HSD17B2: variants seen among roughly 807,000 people sequenced by gnomAD.
The protein encoded by HSD17B2 is hydroxysteroid 17-beta dehydrogenase 2, also known as 17-beta-hydroxysteroid dehydrogenase type 2.
HSD17B2 carries 32 observed loss-of-function variants against 26.9 expected under a neutral mutation model. That is an observed-to-expected ratio of 1.19 (90% CI 0.90 to 1.60). The LOEUF (loss-of-function observed/expected upper bound fraction) is 1.60. Ranked by LOEUF, HSD17B2 falls within the 40% of genes most tolerant of loss-of-function variation. HSD17B2 has a pLI of 0.00. For missense variants in HSD17B2, 613 were observed against 468.6 expected (o/e 1.31, Z -2.85); for synonymous variants, 246 against 186.7 (o/e 1.32, Z -2.59).
intron 3 of HSD17B2, among the ~76,000 whole-genome samples, chr16:82,081,915 A>G (rs1567590652): frequency 6.6e-6 from 1 of 152,222 alleles, no homozygotes; most frequent in Admixed American, 6.5e-5. Context: ...CTACACAGGC[A>G]TAAAAAGGAA....
At position 82,090,996 on chromosome 16, in the gene HSD17B2, G is replaced by C. The variant is rs756311805; in HGVS notation, c.759G>C (p.Trp253Cys). Residue 253 changes from tryptophan (W) to cysteine (C), a missense_variant, in exon 4 of 5, where the codon TGG becomes TGC. By Grantham distance (215) the Trp-to-Cys change is radical. Coordinates refer to ENST00000199936, the MANE Select transcript of HSD17B2 (RefSeq NM_002153.3). ...TTATGAGACTGGAGCTTTCCAAGTG[G>C]GGAATTAAAGTTGCTTCCATCCAAC... ...SSVMRLELSK[W>C]GIKVASIQPG... 3 of 1,613,994 alleles carry C rather than the reference G, an allele frequency of 1.9e-6. No homozygotes were observed. Among genetic ancestry groups the C allele is most frequent in the Admixed American group, 1.7e-5 (1 of 60,004 alleles).
At chr16:82,086,537 G>C (rs1484826854) in intron 3 of HSD17B2, among the ~76,000 whole-genome samples, 1 of 152,140 alleles carries the variant, frequency 6.6e-6, no homozygotes, top group Non-Finnish European at 1.5e-5. Flanking sequence ...TGCCAGGTAA[G>C]GGAACACAGC....
intron 3 of HSD17B2, among the ~76,000 whole-genome samples, chr16:82,072,718 G>A (rs8191180): frequency 0.011 from 1,708 of 152,220 alleles, 36 homozygotes; most frequent in African/African-American, 0.038. Flanking sequence ...GTGTATGAAC[G>A]AGTGAAAAAT....
chr16:82,039,058 G>A (rs1397638575), intron 1 of HSD17B2, among the ~76,000 whole-genome samples: 1 of 152,166 alleles, frequency 6.6e-6, no homozygotes, highest in Admixed American at 6.5e-5. Flanking sequence ...TTTGGGGAAA[G>A]AATCGCAGGT....
intron 4 of HSD17B2, 168 bp downstream of exon 4, chr16:82,091,207 T>C: frequency 2.7e-6 from 2 of 740,686 alleles, no homozygotes; most frequent in Admixed American, 1.9e-5. Flanking sequence ...CTGCTGACAG[T>C]AGGGGAAAGA....
intron 1 of HSD17B2, among the ~76,000 whole-genome samples, chr16:82,063,460 C>T (rs1247660255): frequency 6.6e-6 from 1 of 152,052 alleles, no homozygotes; most frequent in East Asian, 1.9e-4. Flanking sequence ...GCTAGACTCG[C>T]ACCCATTCGC....
At chr16:82,042,328 C>T (rs1002458446) in intron 1 of HSD17B2, among the ~76,000 whole-genome samples, 27 of 152,042 alleles carry the variant, frequency 1.8e-4, no homozygotes, top group African/African-American at 6.0e-4. Flanking sequence ...GGATGACAGG[C>T]GTGAGCCACC....
rs370410131 is a variant in HSD17B2 at position 82,098,163 on chromosome 16, G to T, written c.891G>T (p.Gln297His). 1.2e-6 allele frequency: 2 copies of T among 1,614,094 alleles called. No individual in the cohort carries two copies. Among genetic ancestry groups the T allele is most frequent in the Admixed American group, 3.3e-5 (2 of 60,014 alleles). Residue 297 changes from glutamine (Q) to histidine (H), a missense_variant, in exon 5 of 5, where the codon CAG becomes CAT. Gln to His is a conservative substitution (Grantham distance 24). Coordinates refer to ENST00000199936, the MANE Select transcript of HSD17B2 (RefSeq NM_002153.3). ...CTGAGGTACAGGAAGACTACGGCCAGGACTACATCTTAGCACAGCGGAATT... is the reference window on the plus strand; with the variant it reads ...CTGAGGTACAGGAAGACTACGGCCATGACTACATCTTAGCACAGCGGAATT... ...LPAEVQEDYG[Q>H]DYILAQRNFL...
chr16:82,070,420 A>T (rs1369958151), intron 2 of HSD17B2, among the ~76,000 whole-genome samples: 1 of 152,014 alleles, frequency 6.6e-6, no homozygotes, highest in Non-Finnish European at 1.5e-5. Flanking sequence ...CTTGCAACCC[A>T]TCTTTCCTTC....
intron 1 of HSD17B2, among the ~76,000 whole-genome samples, chr16:82,037,529 G>C (rs1331998771): frequency 5.3e-5 from 8 of 152,020 alleles, no homozygotes; most frequent in Admixed American, 5.2e-4. Context: ...CCATACATAT[G>C]GTTCCTTTAT....
At chr16:82,067,812 C>T (rs1213434939) in intron 1 of HSD17B2, among the ~76,000 whole-genome samples, 1 of 152,228 alleles carries the variant, frequency 6.6e-6, no homozygotes, top group Non-Finnish European at 1.5e-5. Context: ...TTACATCAAA[C>T]ACTACACATT....
chr16:82,086,644 G>C (rs1466140816), intron 3 of HSD17B2, among the ~76,000 whole-genome samples: 1 of 152,206 alleles, frequency 6.6e-6, no homozygotes. Context: ...AGTAAGGATA[G>C]AAAGGGTGCA....
intron 1 of HSD17B2, among the ~76,000 whole-genome samples, chr16:82,037,257 G>A (rs932436770): frequency 2.6e-5 from 4 of 152,158 alleles, no homozygotes; most frequent in South Asian, 2.1e-4. Context: ...TCACTTTCAC[G>A]TTCTTTGTTA....
chr16:82,089,781 G>A (rs1904630454), intron 3 of HSD17B2, among the ~76,000 whole-genome samples: 1 of 152,014 alleles, frequency 6.6e-6, no homozygotes, highest in Admixed American at 6.6e-5. Context: ...TCTCCCTTGT[G>A]CCTTCTCTTT....
chr16:82,062,993 G>A (rs1914482908), intron 1 of HSD17B2: 1 of 152,248 alleles, frequency 6.6e-6, no homozygotes. Context: ...TTACAGCCAC[G>A]ATACTGATGA....
chr16:82,035,451 A>G lies in HSD17B2; in HGVS notation c.27A>G (p.Ala9=), dbSNP rs763436983. 4.3e-6 allele frequency: 7 copies of G among 1,613,474 alleles called. No individual in the cohort carries two copies. The East Asian group carries it at 8.9e-5, about 21-fold the overall frequency. ...TGAGCACTTTCTTCTCGGACACAGC[A>G]TGGATCTGCCTGGCTGTCCCCACAG... The part of the protein sequence containing the change: MSTFFSDT[A]WICLAVPTVL... Residue 9 remains alanine, a synonymous_variant, in exon 1 of 5, where the codon GCA becomes GCG. Transcript: ENST00000199936.
At chr16:82,059,623 T>A (rs190437416) in intron 1 of HSD17B2, among the ~76,000 whole-genome samples, 1 of 152,214 alleles carries the variant, frequency 6.6e-6, no homozygotes, top group Admixed American at 6.5e-5. Flanking sequence ...TGGGTGGGTG[T>A]TTTTAGGACC....
intron 4 of HSD17B2, chr16:82,097,057 T>G (rs1389883900): frequency 6.6e-6 from 1 of 151,680 alleles, no homozygotes; most frequent in South Asian, 2.1e-4. Flanking sequence ...GGAGTGTAGC[T>G]CTGTTGCCCA....
intron 4 of HSD17B2, chr16:82,094,989 C>T (rs1191577660): frequency 6.6e-6 from 1 of 152,076 alleles, no homozygotes; most frequent in Non-Finnish European, 1.5e-5. Flanking sequence ...GTGTGCAGCA[C>T]CAAAGTGGCA....
Sources: allele counts gnomAD v4.1 joint callset (sites outside exome capture counted in the v4.1 genomes callset), GRCh38; gene constraint gnomAD v4.1.1; transcripts MANE v1.5; gene names NCBI Gene and HGNC (gene_info 2026-07-23, HGNC 2026-07-21).